Variants in GMDS observed in about 807,000 individuals in gnomAD.
GMDS encodes the protein GDP-mannose 4,6 dehydratase.
GMDS carries 20 observed loss-of-function variants against 49.9 expected under a neutral mutation model. That is an observed-to-expected ratio of 0.40 (90% CI 0.28 to 0.58). The LOEUF (loss-of-function observed/expected upper bound fraction) is 0.58, where lower values mean the gene tolerates loss of function less well. GMDS is among the 20% of genes least tolerant of loss of function. GMDS has a pLI of 0.42. For synonymous variants in GMDS, 177 were observed against 178.6 expected (o/e 0.99, Z 0.07); for missense variants, 362 against 481.4 (o/e 0.75, Z 2.32).
intron 7 of GMDS, among the ~76,000 whole-genome samples, chr6:1,879,438 C>T (rs962389590): frequency 6.6e-6 from 1 of 152,104 alleles, no homozygotes; most frequent in Admixed American, 6.5e-5. Flanking sequence ...ACTTCAGAGC[C>T]CCTATGGGCC....
chr6:2,107,961 T>C (rs1335887151), intron 4 of GMDS, among the ~76,000 whole-genome samples: 2 of 152,368 alleles, frequency 1.3e-5, no homozygotes, highest in East Asian at 3.9e-4. Flanking sequence ...ACTAGAGTGA[T>C]TTATGTTGCT....
intron 9 of GMDS, among the ~76,000 whole-genome samples, chr6:1,637,862 G>A (rs1763212800): frequency 6.6e-6 from 1 of 152,200 alleles, no homozygotes; most frequent in African/African-American, 2.4e-5. Context: ...AGGAAACGGC[G>A]GTGCTGGTAA....
intron 9 of GMDS, among the ~76,000 whole-genome samples, chr6:1,723,492 A>G (rs1283247004): frequency 6.6e-6 from 1 of 151,470 alleles, no homozygotes; most frequent in Non-Finnish European, 1.5e-5. Flanking sequence ...ATACCCGGCT[A>G]ATTTTTTGTA....
chr6:1,651,716 T>A (rs1207211783), intron 9 of GMDS, among the ~76,000 whole-genome samples: 1 of 152,184 alleles, frequency 6.6e-6, no homozygotes, highest in African/African-American at 2.4e-5. Context: ...GTGATCTCCG[T>A]GCCAACCTCT....
chr6:2,115,909 T>A (rs145746353), intron 3 of GMDS, 29 bp from the exon 4 acceptor site: 1 of 1,230,746 alleles, frequency 8.1e-7, no homozygotes, highest in Non-Finnish European at 1.2e-6. Flanking sequence ...TCCCATTAGA[T>A]AGAGAAAAGC....
chr6:1,793,337 G>A (rs543807979), intron 7 of GMDS, among the ~76,000 whole-genome samples: 1 of 152,340 alleles, frequency 6.6e-6, no homozygotes, highest in Non-Finnish European at 1.5e-5. Flanking sequence ...GTTAACATGA[G>A]CTTAAGAGTT....
At chr6:1,792,993 T>G (rs1769602134) in intron 7 of GMDS, among the ~76,000 whole-genome samples, 1 of 152,208 alleles carries the variant, frequency 6.6e-6, no homozygotes, top group Non-Finnish European at 1.5e-5. Flanking sequence ...TCCTTATATT[T>G]TCCATCTCTC....
chr6:1,632,394 G>A (rs1020676089), intron 9 of GMDS, among the ~76,000 whole-genome samples: 2 of 152,202 alleles, frequency 1.3e-5, no homozygotes, highest in Non-Finnish European at 1.5e-5. Context: ...GGCATCCATG[G>A]TTATAGAAAC....
At chr6:1,735,469 G>A (rs1428232528) in intron 8 of GMDS, among the ~76,000 whole-genome samples, 2 of 152,238 alleles carry the variant, frequency 1.3e-5, no homozygotes, top group African/African-American at 4.8e-5. Flanking sequence ...GAGGCAGGGT[G>A]TTGGTCAGAG....
At chr6:2,116,520 G>T (rs1396393547) in intron 3 of GMDS, among the ~76,000 whole-genome samples, 1 of 152,110 alleles carries the variant, frequency 6.6e-6, no homozygotes, top group Admixed American at 6.6e-5. Context: ...ACATCCAGTG[G>T]CAGGACTGTT....
At chr6:1,961,048 T>C in intron 4 of GMDS, 82 bp from the exon 5 acceptor site, 2 of 687,202 alleles carry the variant, frequency 2.9e-6, no homozygotes, top group Non-Finnish European at 4.6e-6. Context: ...AGACTACAAT[T>C]TCACACACTG....
intron 9 of GMDS, among the ~76,000 whole-genome samples, chr6:1,645,488 G>A (rs1763459068): frequency 6.6e-6 from 1 of 152,180 alleles, no homozygotes. Context: ...GCCCGGGGAC[G>A]CTCACCCTGT....
At chr6:2,104,486 G>A (rs561235209) in intron 4 of GMDS, among the ~76,000 whole-genome samples, 2 of 152,204 alleles carry the variant, frequency 1.3e-5, no homozygotes, top group South Asian at 4.1e-4. Flanking sequence ...CCATCTATGT[G>A]TATAAAAGAG....
chr6:1,853,653 G>C (rs1028594874), intron 7 of GMDS, among the ~76,000 whole-genome samples: 15 of 152,120 alleles, frequency 9.9e-5, no homozygotes, highest in Non-Finnish European at 1.9e-4. Flanking sequence ...TATGTGGGCT[G>C]TTAGTAGCCA....
chr6:1,852,620 C>CTT (rs903841727), intron 7 of GMDS, among the ~76,000 whole-genome samples: 1 of 150,862 alleles, frequency 6.6e-6, no homozygotes, highest in Admixed American at 6.6e-5. Flanking sequence ...TTCTTAGTGT[C>CTT]TTTTTTTTTC....
At chr6:2,211,521 GT>G (rs1780061143) in intron 1 of GMDS, among the ~76,000 whole-genome samples, 1 of 151,872 alleles carries the variant, frequency 6.6e-6, no homozygotes. Flanking sequence ...TGCCCTATAT[GT>G]TTTTTTAAAA....
chr6:1,756,510 G>A (rs1360537382), intron 7 of GMDS, among the ~76,000 whole-genome samples: 1 of 152,162 alleles, frequency 6.6e-6, no homozygotes, highest in Non-Finnish European at 1.5e-5. Flanking sequence ...GACCTCAGGT[G>A]ATCTGCCCGC....
At chr6:1,704,474 T>C (rs1012207451) in intron 9 of GMDS, among the ~76,000 whole-genome samples, 2 of 152,066 alleles carry the variant, frequency 1.3e-5, no homozygotes, top group South Asian at 2.1e-4. Flanking sequence ...CCATTCAAGA[T>C]GGTCTGTTGG....
intron 8 of GMDS, among the ~76,000 whole-genome samples, chr6:1,737,594 C>G (rs1472696444): frequency 6.8e-6 from 1 of 147,366 alleles, no homozygotes; most frequent in Admixed American, 6.8e-5. Flanking sequence ...CACACACATA[C>G]ACACACCACA....
Sources: gnomAD v4.1 joint callset for allele counts (sites outside exome capture counted in the v4.1 genomes callset) on GRCh38, gnomAD v4.1.1 for gene constraint, MANE v1.5 for transcripts, NCBI Gene and HGNC (gene_info 2026-07-23, HGNC 2026-07-21) for gene names.